Variants in MXRA7 observed in about 807,000 individuals in gnomAD.
MXRA7 encodes matrix remodeling associated 7.
A neutral mutation model predicts 17.4 loss-of-function variants in MXRA7; 18 were observed. That is an observed-to-expected ratio of 1.03 (90% confidence interval 0.71 to 1.53). MXRA7 has a LOEUF of 1.53. MXRA7 is among the 40% of genes most tolerant of loss of function. The probability of loss-of-function intolerance (pLI) is 0.00; values close to 1 mark genes in which losing one functional copy is unlikely to be tolerated. For synonymous variants in MXRA7, 70 were observed against 101.7 expected (o/e 0.69, Z 1.87); for missense variants, 141 against 209.3 (o/e 0.67, Z 2.01).
chr17:76,684,603 C>G, intron 3 of MXRA7: 1 of 382,350 alleles, frequency 2.6e-6, no homozygotes. Context: ...CTGCCCGGAG[C>G]TACAAGGCGC....
At chr17:76,706,310 C>T (rs2076657872) in intron 1 of MXRA7, among the ~76,000 whole-genome samples, 1 of 99,206 alleles carries the variant, frequency 1.0e-5, no homozygotes, top group African/African-American at 3.4e-5. Context: ...CAGAGGCCCA[C>T]GCTGCCATCA....
chr17:76,708,845 G>A (rs2076689814), intron 1 of MXRA7, among the ~76,000 whole-genome samples: 2 of 152,172 alleles, frequency 1.3e-5, no homozygotes, highest in Middle Eastern at 3.4e-3. Flanking sequence ...CTCTCTGGAG[G>A]GTGCCTTAGC....
At position 76,698,720 on chromosome 17, in the gene MXRA7, T is replaced by G. The variant is rs1194524779; in HGVS notation, c.343-10544A>C. The stretch of plus-strand genomic sequence containing the variant: ...TGACTTCCTTCCTTTCTGTTTTTTT[T>G]TTTTTTTTTTTTTTTTTTTGAGATA... On this transcript the variant is annotated intron_variant, in intron 1 of 3. Transcript: ENST00000449428. Among the ~76,000 whole-genome samples, 32 of 140,008 alleles carry G rather than the reference T, an allele frequency of 2.3e-4. 1 individual carries two copies. The highest frequency in any genetic ancestry group is 8.3e-4 in the African/African-American group (31 of 37,484). The allele number at this position is 140,008 out of a possible 152,430, so 91.9% of individuals were successfully genotyped here. A position where few individuals can be genotyped will look rare whatever the true frequency, so the allele number is the denominator to read the frequency against.
chr17:76,684,720 A>G, intron 3 of MXRA7: 1 of 414,984 alleles, frequency 2.4e-6, no homozygotes, highest in Non-Finnish European at 4.5e-6. Context: ...TGTGTGTGTG[A>G]GTGACAGCCA....
chr17:76,684,757 T>C, intron 3 of MXRA7: 2 of 390,092 alleles, frequency 5.1e-6, no homozygotes, highest in South Asian at 4.9e-5. Context: ...TTTCCTGGCA[T>C]CTCATTTCTT....
chr17:76,688,613 T>A (rs1287241700), intron 1 of MXRA7: 10 of 1,248,546 alleles, frequency 8.0e-6, no homozygotes, highest in Non-Finnish European at 1.0e-5. Flanking sequence ...CTTCCTTCTA[T>A]GTTGTTTTCC....
intron 1 of MXRA7, among the ~76,000 whole-genome samples, chr17:76,692,480 C>T (rs1383039188): frequency 6.6e-6 from 1 of 151,812 alleles, no homozygotes; most frequent in African/African-American, 2.4e-5. Context: ...CTCGAACTCC[C>T]GACCTCAGGT....
At position 76,702,306 on chromosome 17, in the gene MXRA7, A is replaced by T. The variant is rs529966851; in HGVS notation, c.342+8299T>A. Among the ~76,000 whole-genome samples the T allele has an allele frequency of 2.3e-4, 35 of 152,294 alleles. 1 individual carries two copies. The East Asian group carries it at 3.3e-3, about 14-fold the overall frequency. Reference sequence around the variant, plus strand: ...AGGTTGGATTGAGGCCAGGAGTTCGAGACCAGGCCTAGGCAACATAGCAAG... The same window carrying T: ...AGGTTGGATTGAGGCCAGGAGTTCGTGACCAGGCCTAGGCAACATAGCAAG... On this transcript the variant is annotated intron_variant, in intron 1 of 3. Transcript: ENST00000449428.
At chr17:76,698,414 T>C (rs1419608115) in intron 1 of MXRA7, among the ~76,000 whole-genome samples, 1 of 130,236 alleles carries the variant, frequency 7.7e-6, no homozygotes, top group Non-Finnish European at 1.7e-5. Context: ...GGCTTGGTGG[T>C]GGGCAGGGAG....
At chr17:76,676,726 A>T (rs1464003490), downstream of MXRA7, 1 of 152,006 alleles carries the variant, frequency 6.6e-6, no homozygotes, top group East Asian at 1.9e-4. Flanking sequence ...CCAGAGTGAG[A>T]CTCTGTCTCA....
intron 1 of MXRA7, among the ~76,000 whole-genome samples, chr17:76,705,624 C>T (rs1191113200): frequency 1.3e-5 from 2 of 152,010 alleles, no homozygotes; most frequent in Admixed American, 6.6e-5. Context: ...GACGAGGTCA[C>T]GATGGTGGAG....
intron 2 of MXRA7, among the ~76,000 whole-genome samples, chr17:76,686,870 G>A (rs1456078002): frequency 6.6e-6 from 1 of 151,948 alleles, no homozygotes; most frequent in African/African-American, 2.4e-5. Flanking sequence ...GCTAGAGATG[G>A]CAGGAGGCTA....
At chr17:76,700,101 C>T (rs535325983) in intron 1 of MXRA7, among the ~76,000 whole-genome samples, 2 of 152,140 alleles carry the variant, frequency 1.3e-5, no homozygotes, top group South Asian at 2.1e-4. Flanking sequence ...CTGATTAGTC[C>T]CAAGTAGGGA....
At chr17:76,696,176 C>T (rs370908855) in intron 1 of MXRA7, among the ~76,000 whole-genome samples, 49 of 152,206 alleles carry the variant, frequency 3.2e-4, no homozygotes, top group African/African-American at 1.1e-3. Flanking sequence ...GACACTAAAG[C>T]GTTTGGTTTC....
intron 1 of MXRA7, among the ~76,000 whole-genome samples, chr17:76,699,762 G>A (rs1464665720): frequency 6.6e-6 from 1 of 152,108 alleles, no homozygotes; most frequent in African/African-American, 2.4e-5. Flanking sequence ...CTGGGCAGGG[G>A]TCCCCCAGGG....
Position 76,699,258 on chromosome 17 carries a change from C to A in MXRA7, c.343-11082G>T, listed in dbSNP as rs543440294. The stretch of plus-strand genomic sequence containing the variant: ...CTCCCTGGGCTTAAGCAACCCTCCC[C>A]CCTCAGCCTCCTAAGTAGCTGGGAT... On this transcript the variant is annotated intron_variant, in intron 1 of 3. Coordinates refer to ENST00000449428, the MANE Select transcript of MXRA7 (RefSeq NM_198530.4). 4.6e-5 allele frequency among the ~76,000 whole-genome samples: 7 copies of A among 152,124 alleles called. No individual in the cohort carries two copies. The South Asian group carries it at 1.0e-3, about 23-fold the overall frequency.
intron 1 of MXRA7, among the ~76,000 whole-genome samples, chr17:76,706,530 G>A (rs548726481): frequency 4.7e-4 from 71 of 152,372 alleles, no homozygotes; most frequent in African/African-American, 1.7e-3. Flanking sequence ...AGAGATGATG[G>A]GGAAGTTCAC....
chr17:76,697,803 C>T (rs953745605), intron 1 of MXRA7, among the ~76,000 whole-genome samples: 17 of 152,216 alleles, frequency 1.1e-4, no homozygotes, highest in African/African-American at 4.1e-4. Flanking sequence ...ACCAAGCTCA[C>T]GCCCTGCAGG....
chr17:76,691,763 G>T (rs2076481133), intron 1 of MXRA7, among the ~76,000 whole-genome samples: 4 of 152,112 alleles, frequency 2.6e-5, no homozygotes, highest in Non-Finnish European at 5.9e-5. Context: ...TTAATGACAG[G>T]CAAACAGTCA....
Sources: allele counts gnomAD v4.1 joint callset (sites outside exome capture counted in the v4.1 genomes callset), GRCh38; gene constraint gnomAD v4.1.1; transcripts MANE v1.5; gene names NCBI Gene and HGNC (gene_info 2026-07-23, HGNC 2026-07-21).